Variants in RAD23B observed in about 807,000 individuals in gnomAD.
The protein encoded by RAD23B is RAD23 nucleotide excision repair protein B, also known as lysine-specific demethylase RAD23B.
Under a neutral mutation model 49.1 loss-of-function variants are expected in RAD23B, and 5 were observed. The ratio of observed to expected loss-of-function variants is 0.10; its 90% CI spans 0.05 to 0.21. The LOEUF is 0.21. Among genes scored for constraint, RAD23B ranks in the 10% least tolerant of loss-of-function variants. RAD23B has a pLI of 1.00. For synonymous variants in RAD23B, 184 were observed against 165.4 expected (o/e 1.11, Z -0.86); for missense variants, 356 against 486.7 (o/e 0.73, Z 2.53).
intron 1 of RAD23B, 125 bp from the exon 2 acceptor site, chr9:107,300,011 CATAAT>C: frequency 3.4e-6 from 4 of 1,182,458 alleles, no homozygotes; most frequent in Non-Finnish European, 4.6e-6. Flanking sequence ...ATTGGAAAAA[CATAAT>C]ATTTGAGGTT....
chr9:107,295,800 C>A (rs543916403), intron 1 of RAD23B, among the ~76,000 whole-genome samples: 1 of 152,268 alleles, frequency 6.6e-6, no homozygotes, highest in East Asian at 1.9e-4. Context: ...TGAGACACCA[C>A]AGAGTGGTTG....
intron 1 of RAD23B, among the ~76,000 whole-genome samples, chr9:107,297,451 C>T (rs1380929730): frequency 1.3e-5 from 2 of 152,074 alleles, no homozygotes; most frequent in South Asian, 2.1e-4. Context: ...AGCAGTTCTC[C>T]TGCCTCAGCC....
intron 4 of RAD23B, among the ~76,000 whole-genome samples, chr9:107,310,548 A>T (rs1027396659): frequency 1.2e-4 from 18 of 152,214 alleles, no homozygotes; most frequent in Admixed American, 3.3e-4. Flanking sequence ...ACAAGTTGTT[A>T]TTCTTTTAAA....
chr9:107,322,551 T>C (rs1323809), intron 7 of RAD23B, among the ~76,000 whole-genome samples: 63,444 of 152,070 alleles, frequency 0.42, 14,782 homozygotes, highest in East Asian at 0.72. Flanking sequence ...AAACCTTGTA[T>C]CTAGAGGAGA....
At chr9:107,306,072 T>TAGATATATATATATA (rs1564245552) in intron 3 of RAD23B, among the ~76,000 whole-genome samples, 613 of 42,826 alleles carry the variant, frequency 0.014, 8 homozygotes, top group Non-Finnish European at 0.02. Context: ...TATATATATA[T>TAGATATATATATATA]CTATATATCT....
chr9:107,288,357 A>C (rs1418854952), intron 1 of RAD23B, among the ~76,000 whole-genome samples: 1 of 152,252 alleles, frequency 6.6e-6, no homozygotes, highest in Non-Finnish European at 1.5e-5. Flanking sequence ...AATACATTTT[A>C]AAAACCAGGT....
In RAD23B at chr9:107,318,810, A is replaced by G; in HGVS notation, c.612A>G (p.Arg204=). ...AGATCATGTCAATGGGCTATGAACG[A>G]GAGCAAGTAATTGCAGCCCTGAGAG... ...VTEIMSMGYE[R]EQVIAALRAS... is the part of the protein sequence containing the mutation. The change falls in exon 6 of 10, where the codon CGA becomes CGG. Residue 204 remains arginine, a synonymous_variant. Coordinates refer to ENST00000358015, the MANE Select transcript of RAD23B (RefSeq NM_002874.5). The surrounding 1 kb of genome is among the most constrained non-coding windows in gnomAD (Gnocchi z 4.3). 1 of 1,613,722 alleles carries G rather than the reference A, an allele frequency of 6.2e-7. No homozygotes were observed. Among genetic ancestry groups the G allele is most frequent in the Non-Finnish European group, 8.5e-7 (1 of 1,179,636 alleles).
intron 3 of RAD23B, 122 bp downstream of exon 3, chr9:107,302,236 T>A: frequency 7.7e-7 from 1 of 1,305,236 alleles, no homozygotes; most frequent in Non-Finnish European, 9.9e-7. Context: ...TTAACTACTA[T>A]GAAAGGTTTT....
chr9:107,285,052 C>CT, intron 1 of RAD23B: 1 of 934,644 alleles, frequency 1.1e-6, no homozygotes, highest in African/African-American at 1.8e-5. Context: ...AAGAAACAGC[C>CT]TTTTTGGGAT....
intron 1 of RAD23B, among the ~76,000 whole-genome samples, chr9:107,295,171 G>A (rs879499730): frequency 1.3e-5 from 2 of 152,126 alleles, no homozygotes; most frequent in Non-Finnish European, 2.9e-5. Flanking sequence ...GCTCTCTTTT[G>A]AGTAGTTGGT....
Position 107,322,468 on chromosome 9 carries a change from A to G in RAD23B, c.817+350A>G, listed in dbSNP as rs1207763282. Among the ~76,000 whole-genome samples, 24 of 152,242 alleles carry G rather than the reference A, an allele frequency of 1.6e-4. 1 individual carries two copies. The highest frequency in any genetic ancestry group is 1.6e-3 in the Admixed American group (24 of 15,286). ...CTTACTCTCTCCATAAATGTTACAA[A>G]GTGTATGTAATTTCAAAGCCAGCAG... On this transcript the variant is annotated intron_variant, in intron 7 of 9. Transcript: ENST00000358015.
intron 6 of RAD23B, among the ~76,000 whole-genome samples, chr9:107,319,222 C>T (rs1827061595): frequency 6.7e-6 from 1 of 150,358 alleles, no homozygotes; most frequent in Non-Finnish European, 1.5e-5. Flanking sequence ...GCTCCACCTC[C>T]CAGGTTCACG....
At chr9:107,311,949 C>T (rs148250081) in intron 5 of RAD23B, among the ~76,000 whole-genome samples, 1 of 152,176 alleles carries the variant, frequency 6.6e-6, no homozygotes, top group Non-Finnish European at 1.5e-5. Flanking sequence ...TGAGTTGAGC[C>T]TACTTGGTTA....
rs1259650364 is a variant in RAD23B, at chr9:107,306,408, T to C, written c.258T>C (p.Ala86=). The C allele has an allele frequency of 6.2e-7, 1 of 1,614,164 alleles. No homozygotes were observed. Among genetic ancestry groups the C allele is most frequent in the Admixed American group, 1.7e-5 (1 of 60,008 alleles). Residue 86 remains alanine, a synonymous_variant, in exon 4 of 10, where the codon GCT becomes GCC. Transcript: ENST00000358015. ...AAGCAGTGTCCACACCAGCACCAGC[T>C]ACAACTCAGCAGTCAGCTCCTGCCA... ...KPKAVSTPAP[A]TTQQSAPAST...
intron 1 of RAD23B, among the ~76,000 whole-genome samples, chr9:107,288,011 G>A (rs1260415954): frequency 6.6e-6 from 1 of 151,950 alleles, no homozygotes; most frequent in Non-Finnish European, 1.5e-5. Context: ...CTAGATTAAG[G>A]TAATGAGTAG....
chr9:107,329,539 C>T lies in RAD23B; in HGVS notation c.1117-4C>T. 6.4e-7 allele frequency: 1 copy of T among 1,562,068 alleles called. No individual in the cohort carries two copies. Among genetic ancestry groups the T allele is most frequent in the Admixed American group, 1.8e-5 (1 of 56,356 alleles). ...GATTTATATTTTTTTCCTTTTTCTT[C>T]CAGTTAAAGGCATTAGGATTTCCTG... is the stretch of plus-strand genomic sequence containing the variant. On this transcript the variant is annotated splice_region_variant and splice_polypyrimidine_tract_variant and intron_variant, in intron 9 of 9. Coordinates refer to ENST00000358015, the MANE Select transcript of RAD23B (RefSeq NM_002874.5).
At chr9:107,304,607 G>A (rs1587853673) in intron 3 of RAD23B, among the ~76,000 whole-genome samples, 2 of 152,286 alleles carry the variant, frequency 1.3e-5, no homozygotes, top group East Asian at 3.9e-4. Context: ...AAAAAGACAA[G>A]GCAGCTCATT....
chr9:107,327,359 TTTAAGA>T (rs1355316815), intron 9 of RAD23B, among the ~76,000 whole-genome samples: 1 of 152,198 alleles, frequency 6.6e-6, no homozygotes, highest in African/African-American at 2.4e-5. Context: ...TTAGTTTTAG[TTTAAGA>T]TTAAATTATT....
At chr9:107,320,239 T>C (rs1827080591) in intron 6 of RAD23B, among the ~76,000 whole-genome samples, 1 of 152,224 alleles carries the variant, frequency 6.6e-6, no homozygotes, top group African/African-American at 2.4e-5. Flanking sequence ...TGCTGGCAGT[T>C]TATCCAGTTT....
Sources: gnomAD v4.1 joint callset for allele counts (sites outside exome capture counted in the v4.1 genomes callset) on GRCh38, gnomAD v4.1.1 for gene constraint, Gnocchi (gnomAD v3.1) non-coding constraint, MANE v1.5 for transcripts, NCBI Gene and HGNC (gene_info 2026-07-23, HGNC 2026-07-21) for gene names.